The following DYNAP variants were observed in gnomAD, a reference collection of about 807,000 sequenced individuals.
DYNAP encodes the protein dynactin-associated protein.
A neutral mutation model predicts 8.5 loss-of-function variants in DYNAP; 7 were observed. That is an observed-to-expected ratio of 0.82 (90% confidence interval 0.47 to 1.54). The LOEUF (loss-of-function observed/expected upper bound fraction) is 1.54, where lower values mean the gene tolerates loss of function less well. Ranked by LOEUF, DYNAP falls within the 40% of genes most tolerant of loss-of-function variation. The pLI, the probability that DYNAP is intolerant of heterozygous loss-of-function variation, is 0.01. For synonymous variants in DYNAP, 77 were observed against 77.9 expected, an observed-to-expected ratio of 0.99 and a Z score of 0.06; for missense variants, 256 against 224.3, an observed-to-expected ratio of 1.14 and a Z score of -0.90.
chr18:54,591,484 A>C (rs7241065), intron 1 of DYNAP, 145 bp downstream of exon 1: 44,725 of 879,904 alleles, frequency 0.051, 1,962 homozygotes, highest in African/African-American at 0.18. Context: ...CCCTGTATCA[A>C]TTTTTGTGCT....
chr18:54,588,071 TCAAAAGTCAAG>T (rs1910942668), upstream of DYNAP, among the ~76,000 whole-genome samples: 1 of 152,264 alleles, frequency 6.6e-6, no homozygotes. Flanking sequence ...AAAGTTAAAA[TCAAAAGTCAAG>T]CTTTCGATAA....
chr18:54,597,985 T>G lies in DYNAP; in HGVS notation c.395T>G (p.Val132Gly), dbSNP rs2043108269. 6 of 1,613,552 alleles carry G rather than the reference T, an allele frequency of 3.7e-6. No individual in the cohort carries two copies. Among genetic ancestry groups the G allele is most frequent in the Middle Eastern group, 3.3e-4 (2 of 6,048 alleles). The change falls in exon 3 of 3, where the codon GTG becomes GGG. Residue 132 changes from valine to glycine, a missense_variant. Physicochemically the swap from Val to Gly is moderately radical, Grantham distance 109. Transcript: ENST00000648945. The stretch of plus-strand genomic sequence containing the variant: ...CTATCCACAAATGATGGAGAGTGTG[T>G]GACTGTCAAACCTGGAACACCCTCT... ...IQLSTNDGEC[V>G]TVKPGTPSPA...
upstream of DYNAP, among the ~76,000 whole-genome samples, chr18:54,584,038 A>C (rs1042718566): frequency 6.6e-5 from 10 of 152,182 alleles, no homozygotes; most frequent in Middle Eastern, 3.4e-3. Flanking sequence ...GTGAAAAAAA[A>C]CAGAATATTT....
intron 1 of DYNAP, among the ~76,000 whole-genome samples, chr18:54,592,534 C>T (rs1247385610): frequency 2.0e-5 from 3 of 151,846 alleles, no homozygotes; most frequent in African/African-American, 7.3e-5. Context: ...TTTTGGTGTC[C>T]TTGTTTTTCT....
At chr18:54,576,596 C>T in the DYNAP span, among the ~76,000 whole-genome samples, 7 of 151,592 alleles carry the variant, frequency 4.6e-5, no homozygotes, top group South Asian at 8.4e-4. Flanking sequence ...CCCAGGAGTT[C>T]GAGACCAGCC....
Position 54,598,228 on chromosome 18 carries a change from T to C in DYNAP, c.*83T>C. The C allele has an allele frequency of 2.2e-6, 3 of 1,383,874 alleles. No individual in the cohort carries two copies. The highest frequency in any genetic ancestry group is 3.0e-6 in the Non-Finnish European group (3 of 1,011,508). 85.7% of individuals were successfully genotyped at this position (1,383,874 alleles called of 1,614,324 possible). On this transcript the variant is annotated 3_prime_UTR_variant, in exon 3 of 3. Coordinates refer to ENST00000648945, the MANE Select transcript of DYNAP (RefSeq NM_173629.3). ...AGTTTGCAACTATAATAGCTACTCC[T>C]ATCACTTCAAGTGGAATCATGGCTG...
chr18:54,595,029 T>C lies in DYNAP; in HGVS notation c.148T>C (p.Leu50=), dbSNP rs761786366. 6.2e-7 allele frequency: 1 copy of C among 1,612,884 alleles called. No individual in the cohort carries two copies. Among genetic ancestry groups the C allele is most frequent in the South Asian group, 1.1e-5 (1 of 91,018 alleles). ...NDITSDVSPN[L]TGVCVNPGIL... is the part of the protein sequence containing the mutation. The stretch of plus-strand genomic sequence containing the variant: ...TATAACCAGTGATGTCTCTCCCAAC[T>C]TAACTGGGGTCTGCGTGAACCCAGG... Residue 50 remains leucine (L), a synonymous_variant, in exon 2 of 3, where the codon TTA becomes CTA. Transcript: ENST00000648945.
rs576786651 is a variant in DYNAP at position 54,594,477 on chromosome 18, G to A, written c.58-462G>A. On this transcript the variant is annotated intron_variant, in intron 1 of 2. Transcript: ENST00000648945. ...TAGTATAGTGTAGTGGAGTACATGG[G>A]CCTTAACACTGGAAGGTCTGAGCTC... is the stretch of plus-strand genomic sequence containing the variant. 3.9e-5 allele frequency among the ~76,000 whole-genome samples: 6 copies of A among 152,230 alleles called. No homozygotes were observed. The East Asian group carries it at 9.6e-4, about 24-fold the overall frequency.
chr18:54,591,371 C>T, intron 1 of DYNAP, 32 bp downstream of exon 1: 2 of 1,574,936 alleles, frequency 1.3e-6, no homozygotes, highest in Non-Finnish European at 1.7e-6. Context: ...TGATAGTTTG[C>T]CTATATTACA....
the DYNAP span, among the ~76,000 whole-genome samples, chr18:54,581,660 A>C: frequency 6.6e-6 from 1 of 152,242 alleles, no homozygotes; most frequent in Non-Finnish European, 1.5e-5. Context: ...TTTTAAGATA[A>C]GAGAAACATG....
the DYNAP span, among the ~76,000 whole-genome samples, chr18:54,575,843 G>A: frequency 1.8e-4 from 28 of 151,886 alleles, no homozygotes; most frequent in African/African-American, 2.7e-4. Context: ...ACACGTGCCC[G>A]TCACCCACAT....
At chr18:54,589,543 A>G (rs1652871661), upstream of DYNAP, among the ~76,000 whole-genome samples, 1 of 152,178 alleles carries the variant, frequency 6.6e-6, no homozygotes, top group Non-Finnish European at 1.5e-5. Flanking sequence ...TTTTTATGTT[A>G]CTATTCCTTT....
At chr18:54,584,008 T>C (rs1341192222), upstream of DYNAP, among the ~76,000 whole-genome samples, 1 of 151,616 alleles carries the variant, frequency 6.6e-6, no homozygotes, top group Non-Finnish European at 1.5e-5. Context: ...AAATTACGTA[T>C]AAGTAGGGTG....
upstream of DYNAP, among the ~76,000 whole-genome samples, chr18:54,590,874 C>T (rs1482600076): frequency 1.3e-5 from 2 of 152,032 alleles, no homozygotes; most frequent in African/African-American, 2.4e-5. Flanking sequence ...GTGGTGCCAA[C>T]AAGGGGAGAG....
chr18:54,593,154 A>T (rs1911147801), intron 1 of DYNAP, among the ~76,000 whole-genome samples: 1 of 152,110 alleles, frequency 6.6e-6, no homozygotes, highest in African/African-American at 2.4e-5. Flanking sequence ...AACTTAGCTA[A>T]TTGTCCACTG....
chr18:54,576,767 C>T, the DYNAP span, among the ~76,000 whole-genome samples: 1 of 151,870 alleles, frequency 6.6e-6, no homozygotes, highest in African/African-American at 2.4e-5. Context: ...TGCACCACTG[C>T]ACTCTGGCCT....
chr18:54,588,514 G>A (rs1039332200), upstream of DYNAP, among the ~76,000 whole-genome samples: 1 of 151,972 alleles, frequency 6.6e-6, no homozygotes, highest in East Asian at 1.9e-4. Flanking sequence ...CTCCAGTTGG[G>A]AATAAATTAA....
the DYNAP span, among the ~76,000 whole-genome samples, chr18:54,576,644 TAAA>T: frequency 1.3e-5 from 2 of 149,834 alleles, no homozygotes; most frequent in East Asian, 3.9e-4. Context: ...ACAAAAACAA[TAAA>T]AAAAAATGAG....
chr18:54,595,724 A>G (rs1279159263), intron 2 of DYNAP, among the ~76,000 whole-genome samples: 2 of 152,068 alleles, frequency 1.3e-5, no homozygotes, highest in East Asian at 3.8e-4. Flanking sequence ...TCACGACTGT[A>G]TCTTTAAGTC....
Sources: allele counts gnomAD v4.1 joint callset (sites outside exome capture counted in the v4.1 genomes callset), GRCh38; gene constraint gnomAD v4.1.1; transcripts MANE v1.5; gene names NCBI Gene and HGNC (gene_info 2026-07-23, HGNC 2026-07-21).